The following RBFOX1 variants were observed in gnomAD, a reference collection of about 807,000 sequenced individuals.
RBFOX1 encodes RNA binding protein fox-1 homolog 1.
Under a neutral mutation model 57.7 loss-of-function variants are expected in RBFOX1, and 8 were observed. The ratio of observed to expected loss-of-function variants is 0.14; its 90% CI spans 0.08 to 0.25. The LOEUF (loss-of-function observed/expected upper bound fraction) is 0.25, where lower values mean the gene tolerates loss of function less well. RBFOX1 is among the 10% of genes least tolerant of loss of function. RBFOX1 has a pLI of 1.00. For synonymous variants in RBFOX1, 326 were observed against 222.4 expected (o/e 1.47, Z -4.15); for missense variants, 611 against 548.5 (o/e 1.11, Z -1.14).
At chr16:5,794,785 A>T (rs2054820486) in intron 3 of RBFOX1, among the ~76,000 whole-genome samples, 1 of 152,172 alleles carries the variant, frequency 6.6e-6, no homozygotes, top group African/African-American at 2.4e-5. Context: ...TTAACTCCTG[A>T]CTGCTAAACC....
At chr16:6,958,834 C>A (rs544977328) in intron 3 of RBFOX1, among the ~76,000 whole-genome samples, 3 of 152,078 alleles carry the variant, frequency 2.0e-5, no homozygotes, top group African/African-American at 7.2e-5. Context: ...GGTGGCCCGG[C>A]ATTGCTGATT....
intron 2 of RBFOX1, among the ~76,000 whole-genome samples, chr16:6,423,567 C>T (rs981249485): frequency 2.6e-5 from 4 of 152,118 alleles, no homozygotes; most frequent in African/African-American, 9.7e-5. Context: ...CCAGTGCACT[C>T]CAGCCTGGCT....
chr16:6,871,561 T>A (rs2060887384), intron 3 of RBFOX1, among the ~76,000 whole-genome samples: 1 of 152,098 alleles, frequency 6.6e-6, no homozygotes, highest in African/African-American at 2.4e-5. Flanking sequence ...TATCCCCTCT[T>A]AATTACTGAC....
chr16:6,376,665 A>G (rs529051837), intron 2 of RBFOX1, among the ~76,000 whole-genome samples: 2 of 152,042 alleles, frequency 1.3e-5, no homozygotes, highest in Non-Finnish European at 2.9e-5. Flanking sequence ...GGCCCAACTA[A>G]TGGTTTCATG....
At chr16:7,216,258 C>A (rs565097073) in intron 4 of RBFOX1, among the ~76,000 whole-genome samples, 1 of 152,178 alleles carries the variant, frequency 6.6e-6, no homozygotes, top group African/African-American at 2.4e-5. Context: ...TTAAGAACAT[C>A]GGAAAGTCCA....
chr16:6,793,718 A>G (rs1169527598), intron 3 of RBFOX1, among the ~76,000 whole-genome samples: 1 of 152,184 alleles, frequency 6.6e-6, no homozygotes, highest in East Asian at 1.9e-4. Flanking sequence ...CCCTGTTGTT[A>G]GAGTATATTA....
At chr16:6,401,790 T>TA (rs2093079970) in intron 2 of RBFOX1, among the ~76,000 whole-genome samples, 2 of 152,120 alleles carry the variant, frequency 1.3e-5, no homozygotes, top group African/African-American at 2.4e-5. Flanking sequence ...ATAGTTTATT[T>TA]AAAATAGAAA....
intron 3 of RBFOX1, among the ~76,000 whole-genome samples, chr16:5,864,808 A>G (rs1214708200): frequency 6.6e-6 from 1 of 152,086 alleles, no homozygotes; most frequent in African/African-American, 2.4e-5. Flanking sequence ...CTGAAACGCA[A>G]ATGGCTTTAG....
At chr16:5,787,847 A>G (rs2054557953) in intron 3 of RBFOX1, among the ~76,000 whole-genome samples, 1 of 152,232 alleles carries the variant, frequency 6.6e-6, no homozygotes, top group African/African-American at 2.4e-5. Flanking sequence ...TTGGAAAGGA[A>G]GAATGCATTG....
intron 2 of RBFOX1, among the ~76,000 whole-genome samples, chr16:6,487,144 CTGTGTGTGTGTG>C (rs60180975): frequency 0.24 from 33,382 of 140,126 alleles, 4,224 homozygotes; most frequent in Non-Finnish European, 0.31. Context: ...TGTGGGGTTT[CTGTGTGTGTGTG>C]TGTGTGTGTG....
At chr16:6,890,738 G>A (rs1002770867) in intron 3 of RBFOX1, among the ~76,000 whole-genome samples, 2 of 152,204 alleles carry the variant, frequency 1.3e-5, no homozygotes, top group African/African-American at 2.4e-5. Flanking sequence ...GAAGGAGAGT[G>A]CCTAAATTCA....
intron 1 of RBFOX1, among the ~76,000 whole-genome samples, chr16:6,065,158 G>T (rs2095744167): frequency 6.6e-6 from 1 of 151,358 alleles, no homozygotes; most frequent in Non-Finnish European, 1.5e-5. Context: ...CCCCAGAGTG[G>T]CTGAGACTAC....
chr16:6,820,659 CAA>C (rs749156791), intron 3 of RBFOX1, among the ~76,000 whole-genome samples: 1 of 136,638 alleles, frequency 7.3e-6, no homozygotes, highest in East Asian at 2.1e-4. Context: ...ACCCTGTCTC[CAA>C]AAAAAAAACA....
intron 4 of RBFOX1, among the ~76,000 whole-genome samples, chr16:7,469,399 C>G (rs1303582577): frequency 1.3e-5 from 2 of 152,116 alleles, no homozygotes; most frequent in Non-Finnish European, 2.9e-5. Flanking sequence ...ACCTATGAGG[C>G]TATGTTTGTC....
At chr16:5,318,180 G>A (rs2064294930) in intron 1 of RBFOX1, among the ~76,000 whole-genome samples, 1 of 152,084 alleles carries the variant, frequency 6.6e-6, no homozygotes, top group Non-Finnish European at 1.5e-5. Context: ...CCAGGCTGGA[G>A]TGCAGTGACA....
chr16:5,814,298 G>C (rs917958516), intron 3 of RBFOX1, among the ~76,000 whole-genome samples: 62 of 152,078 alleles, frequency 4.1e-4, no homozygotes, highest in African/African-American at 1.5e-3. Flanking sequence ...GTGACAAAGG[G>C]ATTGTACTCT....
At chr16:5,944,187 T>G (rs1370222614) in intron 4 of RBFOX1, among the ~76,000 whole-genome samples, 1 of 152,208 alleles carries the variant, frequency 6.6e-6, no homozygotes, top group Non-Finnish European at 1.5e-5. Flanking sequence ...CAACGATGTG[T>G]GAACAATGAT....
intron 8 of RBFOX1, among the ~76,000 whole-genome samples, chr16:7,596,896 G>A (rs2094729587): frequency 6.6e-6 from 1 of 152,110 alleles, no homozygotes; most frequent in Non-Finnish European, 1.5e-5. Context: ...TTTCCTGATG[G>A]TTCTTTCCTC....
intron 1 of RBFOX1, among the ~76,000 whole-genome samples, chr16:5,368,731 C>T (rs1360073741): frequency 6.6e-6 from 1 of 152,150 alleles, no homozygotes; most frequent in East Asian, 1.9e-4. Context: ...GACATGGTTT[C>T]ATAGTGACCT....
Sources: allele counts gnomAD v4.1 joint callset (sites outside exome capture counted in the v4.1 genomes callset), GRCh38; gene constraint gnomAD v4.1.1; transcripts MANE v1.5; gene names NCBI Gene and HGNC (gene_info 2026-07-23, HGNC 2026-07-21).